Variants in METTL15 observed in about 807,000 individuals in gnomAD.
METTL15 encodes the protein methyltransferase 15, mitochondrial 12S rRNA N4-cytidine.
METTL15 carries 34 observed loss-of-function variants against 38.3 expected under a neutral mutation model. That is an observed-to-expected ratio of 0.89 (90% CI 0.68 to 1.18). The LOEUF is 1.18. Among genes scored for constraint, METTL15 ranks in the 50% most tolerant of loss-of-function variants. METTL15 has a pLI of 0.00. For synonymous variants in METTL15, 162 were observed against 170.9 expected (o/e 0.95, Z 0.41); for missense variants, 438 against 498.4 (o/e 0.88, Z 1.15).
chr11:28,145,717 CTG>C (rs1849859190), intron 3 of METTL15: 1 of 151,968 alleles, frequency 6.6e-6, no homozygotes, highest in South Asian at 2.1e-4. Flanking sequence ...CATTATTACT[CTG>C]TGATTTAATA....
At chr11:28,419,634 A>G (rs751327107) in intron 5 of METTL15, among the ~76,000 whole-genome samples, 1 of 152,144 alleles carries the variant, frequency 6.6e-6, no homozygotes, top group Admixed American at 6.5e-5. Context: ...CATCAATATC[A>G]TCCAGGAAAA....
chr11:28,213,285 A>G (rs1254489382), intron 4 of METTL15, among the ~76,000 whole-genome samples: 1 of 152,178 alleles, frequency 6.6e-6, no homozygotes, highest in African/African-American at 2.4e-5. Flanking sequence ...GTATAAACAA[A>G]AAAAGAAGAA....
intron 3 of METTL15, among the ~76,000 whole-genome samples, chr11:28,206,246 A>C (rs1270093574): frequency 1.3e-5 from 2 of 151,152 alleles, no homozygotes; most frequent in African/African-American, 2.4e-5. Context: ...TTTAGGTCTA[A>C]CGTTTAAATC....
chr11:28,307,762 A>C (rs984463776), intron 6 of METTL15, among the ~76,000 whole-genome samples: 9 of 152,024 alleles, frequency 5.9e-5, no homozygotes, highest in African/African-American at 1.9e-4. Context: ...TGTGCTGGGC[A>C]CTGATGAAGA....
rs1852625173 is a variant in METTL15, at chr11:28,211,181, T to C, written c.390T>C (p.His130=). The C allele has an allele frequency of 6.2e-7, 1 of 1,609,348 alleles. No homozygotes were observed. Among genetic ancestry groups the C allele is most frequent in the Non-Finnish European group, 8.5e-7 (1 of 1,178,114 alleles). The change falls in exon 4 of 7, where the codon CAT becomes CAC. Residue 130 remains histidine (H), a synonymous_variant. Transcript: ENST00000407364. ...CAACAGCTTATGCATTAGCTGAACA[T>C]CTTTCAGAGTTGTATCCGTAAGTAA... ...RDPTAYALAE[H]LSELYPKQIR...
chr11:28,259,054 C>G (rs1043887314), intron 4 of METTL15, among the ~76,000 whole-genome samples: 18 of 152,090 alleles, frequency 1.2e-4, no homozygotes, highest in African/African-American at 4.1e-4. Flanking sequence ...GGTATCACTG[C>G]TTGTTATTCA....
rs1167348144 is a variant in METTL15, at chr11:28,115,660, A to G, written c.270+2056A>G. 2.6e-5 allele frequency among the ~76,000 whole-genome samples: 4 copies of G among 152,086 alleles called. 1 individual carries two copies. The highest frequency in any genetic ancestry group is 9.7e-5 in the African/African-American group (4 of 41,398). On this transcript the variant is annotated intron_variant, in intron 3 of 6. Coordinates refer to ENST00000407364, the MANE Select transcript of METTL15 (RefSeq NM_001113528.2). ...GAGAATCATAAGGAAGATAAAATAT[A>G]TTTACTATTTATTAAGTGGAAGTAG...
chr11:28,193,985 T>G (rs770482486), intron 3 of METTL15, among the ~76,000 whole-genome samples: 2 of 152,036 alleles, frequency 1.3e-5, no homozygotes, highest in Non-Finnish European at 2.9e-5. Flanking sequence ...ATCTATTTTG[T>G]TCAAGGTTGC....
chr11:28,314,563 G>A (rs189550155), intron 6 of METTL15, among the ~76,000 whole-genome samples: 1 of 152,306 alleles, frequency 6.6e-6, no homozygotes, highest in East Asian at 1.9e-4. Context: ...TGGCAAATGG[G>A]CCTCAATCAC....
intron 4 of METTL15, among the ~76,000 whole-genome samples, chr11:28,217,265 G>A (rs1446113306): frequency 6.6e-6 from 1 of 152,104 alleles, no homozygotes; most frequent in East Asian, 1.9e-4. Context: ...TAACTGGTGT[G>A]AGATGGTATC....
chr11:28,390,726 C>T (rs963138316), intron 5 of METTL15, among the ~76,000 whole-genome samples: 25 of 152,170 alleles, frequency 1.6e-4, no homozygotes, highest in African/African-American at 5.5e-4. Flanking sequence ...TTTTTTGGTT[C>T]CATATGCACT....
intron 6 of METTL15, among the ~76,000 whole-genome samples, chr11:28,439,883 T>C (rs373002540): frequency 7.9e-5 from 12 of 152,350 alleles, no homozygotes; most frequent in African/African-American, 2.9e-4. Flanking sequence ...TGCTCACCTG[T>C]GGAGTTGCCA....
intron 5 of METTL15, among the ~76,000 whole-genome samples, chr11:28,392,365 G>C (rs1225052915): frequency 6.6e-6 from 1 of 152,090 alleles, no homozygotes; most frequent in Non-Finnish European, 1.5e-5. Flanking sequence ...TTAAAACAGT[G>C]TAGAATTGGT....
intron 6 of METTL15, among the ~76,000 whole-genome samples, chr11:28,478,850 T>C (rs1481006913): frequency 6.6e-6 from 1 of 152,200 alleles, no homozygotes; most frequent in Admixed American, 6.5e-5. Flanking sequence ...AGTTTTGGTG[T>C]TGATGTTTTT....
chr11:28,341,569 C>T (rs1194808991), intron 3 of METTL15, among the ~76,000 whole-genome samples: 1 of 152,108 alleles, frequency 6.6e-6, no homozygotes, highest in East Asian at 1.9e-4. Context: ...CCTCATTTTA[C>T]TCTTCTGAAA....
intron 4 of METTL15, among the ~76,000 whole-genome samples, chr11:28,216,895 CT>C (rs34132043): frequency 0.46 from 69,993 of 151,116 alleles, 17,749 homozygotes; most frequent in Admixed American, 0.56. Flanking sequence ...ATGAACTCAT[CT>C]TTTTTTATGG....
intron 6 of METTL15, among the ~76,000 whole-genome samples, chr11:28,482,725 G>T (rs1476092772): frequency 6.6e-6 from 1 of 152,168 alleles, no homozygotes; most frequent in African/African-American, 2.4e-5. Flanking sequence ...CATCACCTGG[G>T]AGCTTGCTAG....
At chr11:28,188,967 T>G (rs920870741) in intron 3 of METTL15, among the ~76,000 whole-genome samples, 39 of 151,358 alleles carry the variant, frequency 2.6e-4, no homozygotes, top group African/African-American at 9.4e-4. Flanking sequence ...TAACTTTTAA[T>G]GTTTACATTT....
downstream of METTL15, among the ~76,000 whole-genome samples, chr11:28,334,205 G>T (rs1052251716): frequency 6.6e-6 from 1 of 151,808 alleles, no homozygotes; most frequent in African/African-American, 2.4e-5. Context: ...CTTCTTCTCT[G>T]TTCACATTGG....
Sources: allele counts gnomAD v4.1 joint callset (sites outside exome capture counted in the v4.1 genomes callset), GRCh38; gene constraint gnomAD v4.1.1; transcripts MANE v1.5; gene names NCBI Gene and HGNC (gene_info 2026-07-23, HGNC 2026-07-21).